Variants in LRP5 observed in about 807,000 individuals in gnomAD.
LRP5 encodes LDL receptor related protein 5, also known as low-density lipoprotein receptor-related protein 5.
LRP5 carries 62 observed loss-of-function variants against 154.1 expected under a neutral mutation model. The ratio of observed to expected loss-of-function variants is 0.40; its 90% CI spans 0.33 to 0.50. The LOEUF is 0.50. LRP5 is among the 20% of genes least tolerant of loss of function. The pLI, the probability that LRP5 is intolerant of heterozygous loss-of-function variation, is 0.55. For missense variants in LRP5, 1,915 were observed against 2,336.7 expected (o/e 0.82, Z 3.72); for synonymous variants, 966 against 1,011.5 (o/e 0.96, Z 0.85).
rs566582167 is a variant in LRP5 at position 68,425,173 on chromosome 11, G to A, written c.3308G>A (p.Arg1103His). 18 of 1,613,676 alleles carry A rather than the reference G, an allele frequency of 1.1e-5. No individual in the cohort carries two copies. The highest frequency in any genetic ancestry group is 4.0e-5 in the African/African-American group (3 of 75,050). ...CGCGCAGCCCTGGACGGCACCGAGC[G>A]CGAGGTCCTCTTCACCACCGGCCTC... ...IERAALDGTE[R>H]EVLFTTGLIR... is the part of the protein sequence containing the mutation. Residue 1103 changes from arginine to histidine, a missense_variant, in exon 15 of 23, where the codon CGC (arginine) becomes CAC (histidine). Transcript: ENST00000294304.
intron 21 of LRP5, among the ~76,000 whole-genome samples, chr11:68,443,581 ATATAT>A (rs1176568904): frequency 2.7e-5 from 1 of 36,816 alleles, no homozygotes; most frequent in African/African-American, 1.3e-4. Flanking sequence ...ATATATATAT[ATATAT>A]TTTTTTTTTT....
At chr11:68,346,877 G>T (rs565586540) in intron 1 of LRP5, among the ~76,000 whole-genome samples, 1 of 152,216 alleles carries the variant, frequency 6.6e-6, no homozygotes, top group Admixed American at 6.5e-5. Flanking sequence ...GGGGTTGCTG[G>T]ACCCTCCTGG....
chr11:68,417,131 GA>G (rs1344082051), intron 13 of LRP5, among the ~76,000 whole-genome samples: 5 of 152,206 alleles, frequency 3.3e-5, no homozygotes, highest in African/African-American at 1.2e-4. Context: ...TTCACCTTGG[GA>G]AGATCTGGAG....
rs914851308 is a variant in LRP5, at chr11:68,447,841, G to A, written c.4587-968G>A. Among the ~76,000 whole-genome samples the A allele has an allele frequency of 2.6e-5, 4 of 152,166 alleles. 1 individual carries two copies. The highest frequency in any genetic ancestry group is 4.1e-4 in the South Asian group (2 of 4,824). On this transcript the variant is annotated intron_variant, in intron 22 of 22. Coordinates refer to ENST00000294304, the MANE Select transcript of LRP5 (RefSeq NM_002335.4). This position sits in a 1 kb window ranked among gnomAD's most constrained non-coding sequence, Gnocchi z 4.3. Reference sequence around the variant, plus strand: ...CTGAACTCACACAGTGGGATGCGGCGTTTCTGGGCCACAGTTGGGTGCAGG... The same window carrying A: ...CTGAACTCACACAGTGGGATGCGGCATTTCTGGGCCACAGTTGGGTGCAGG...
In LRP5 at chr11:68,384,255, G is replaced by A. The variant is rs7105726; in HGVS notation, c.1016-2061G>A. ...TTCCTCCTGGCGAGAGCCAGAGCCT[G>A]GGCACAGGGGACCATCTGTTGTTTG... On this transcript the variant is annotated intron_variant, in intron 5 of 22. Transcript: ENST00000294304. Among the ~76,000 whole-genome samples the A allele has an allele frequency of 5.4e-3, 816 of 152,344 alleles. 9 individuals carry two copies. The highest frequency in any genetic ancestry group is 0.019 in the African/African-American group (772 of 41,578).
chr11:68,372,908 G>A (rs529566599), intron 5 of LRP5, among the ~76,000 whole-genome samples: 237 of 152,174 alleles, frequency 1.6e-3, no homozygotes, highest in African/African-American at 5.5e-3. Context: ...AGGTCAGGAG[G>A]GGGGCAGGGC....
At chr11:68,301,346 C>T in the LRP5 span, among the ~76,000 whole-genome samples, 16 of 148,726 alleles carry the variant, frequency 1.1e-4, no homozygotes, top group Middle Eastern at 3.5e-3. Flanking sequence ...CAGTGGCTCA[C>T]GCCTGTGGTC....
chr11:68,351,651 T>G (rs955477401), intron 2 of LRP5, among the ~76,000 whole-genome samples: 1 of 152,110 alleles, frequency 6.6e-6, no homozygotes, highest in Admixed American at 6.5e-5. Flanking sequence ...ATCCACTGCA[T>G]TTGTGAGCCC....
chr11:68,415,358 GCA>G lies in LRP5; in HGVS notation c.2828-963_2828-962del, dbSNP rs370223592. 1.6e-4 allele frequency among the ~76,000 whole-genome samples: 24 copies of G among 152,286 alleles called. No homozygotes were observed. The East Asian group carries it at 3.5e-3, about 22-fold the overall frequency. On this transcript the variant is annotated intron_variant, in intron 12 of 22. Transcript: ENST00000294304. The stretch of plus-strand genomic sequence containing the variant: ...TGCACACATAGGCACATAGCAAACC[GCA>G]CACACAGTCGTGGGTATGAGTTTCA...
intron 22 of LRP5, among the ~76,000 whole-genome samples, chr11:68,448,195 C>T (rs1181954015): frequency 6.6e-6 from 1 of 152,154 alleles, no homozygotes; most frequent in Non-Finnish European, 1.5e-5. Flanking sequence ...TTCACTACCA[C>T]GAGAACAGTA....
intron 17 of LRP5, among the ~76,000 whole-genome samples, chr11:68,432,753 C>T (rs2098672658): frequency 6.6e-6 from 1 of 152,190 alleles, no homozygotes; most frequent in Non-Finnish European, 1.5e-5. Context: ...GGGGGGCCAC[C>T]TCGAAGCCTA....
chr11:68,408,021 T>G (rs1176835659), intron 9 of LRP5, among the ~76,000 whole-genome samples: 1 of 152,186 alleles, frequency 6.6e-6, no homozygotes, highest in African/African-American at 2.4e-5. Context: ...TCTAAAGTAT[T>G]GGACAACTAC....
intron 5 of LRP5, among the ~76,000 whole-genome samples, chr11:68,377,174 G>GA (rs1371428514): frequency 6.6e-6 from 1 of 152,178 alleles, no homozygotes; most frequent in African/African-American, 2.4e-5. Context: ...GGCAGAGGCA[G>GA]GCAGTGGGGG....
intron 1 of LRP5, among the ~76,000 whole-genome samples, chr11:68,336,793 G>A (rs1210625848): frequency 6.6e-6 from 1 of 152,158 alleles, no homozygotes; most frequent in Non-Finnish European, 1.5e-5. Flanking sequence ...TTTAATTGTG[G>A]TAAAATACAT....
the LRP5 span, among the ~76,000 whole-genome samples, chr11:68,305,951 TG>T: frequency 6.6e-6 from 1 of 152,258 alleles, no homozygotes; most frequent in Admixed American, 6.5e-5. Flanking sequence ...GCCAGAAGTC[TG>T]AGGTGGAGGT....
chr11:68,322,487 C>G (rs1184406249), intron 1 of LRP5, among the ~76,000 whole-genome samples: 3 of 152,068 alleles, frequency 2.0e-5, no homozygotes, highest in Non-Finnish European at 4.4e-5. Context: ...GAAGTTGGAA[C>G]TTTTTGGCCT....
rs583545 is a variant in LRP5, at chr11:68,411,167, T to C, written c.2319-269T>C. ...AGCACACACTCACCCTGTCTGTGCA[T>C]CTGTTTTTGTGTCCGTAAGTGGGTA... On this transcript the variant is annotated intron_variant, in intron 10 of 22. Coordinates refer to ENST00000294304, the MANE Select transcript of LRP5 (RefSeq NM_002335.4). Among the ~76,000 whole-genome samples the C allele has an allele frequency of 0.7, 106,168 of 152,094 alleles. 38,427 individuals are homozygous for C. Among genetic ancestry groups the C allele is most frequent in the South Asian group, 0.84 (4,048 of 4,814 alleles).
At chr11:68,306,857 G>A in the LRP5 span, among the ~76,000 whole-genome samples, 7 of 152,330 alleles carry the variant, frequency 4.6e-5, no homozygotes, top group Admixed American at 1.3e-4. Flanking sequence ...CTGCAGAAAC[G>A]GATGGACGAT....
In LRP5 at chr11:68,348,230, G is replaced by A; in HGVS notation, c.475G>A (p.Asp159Asn). The change falls in exon 2 of 23, where the codon GAC becomes AAC. Residue 159 changes from aspartate to asparagine, a missense_variant. By Grantham distance (23) the Asp-to-Asn change is conservative (BLOSUM62 1). Coordinates refer to ENST00000294304, the MANE Select transcript of LRP5 (RefSeq NM_002335.4). Reference protein sequence around the residue: ...DLDQPRAIALDPAHGYMYWTD... With the variant: ...DLDQPRAIALNPAHGYMYWTD... ...TGACCAGCCGAGGGCCATCGCCTTG[G>A]ACCCCGCTCACGGGTAAACCCTGCT... 6.2e-7 allele frequency: 1 copy of A among 1,606,716 alleles called. No individual in the cohort carries two copies. Among genetic ancestry groups the A allele is most frequent in the African/African-American group, 1.3e-5 (1 of 75,068 alleles).
Sources: gnomAD v4.1 joint callset for allele counts (sites outside exome capture counted in the v4.1 genomes callset) on GRCh38, gnomAD v4.1.1 for gene constraint, Gnocchi (gnomAD v3.1) non-coding constraint, MANE v1.5 for transcripts, NCBI Gene and HGNC (gene_info 2026-07-23, HGNC 2026-07-21) for gene names.